The following PPP6R3 variants were observed in gnomAD, a reference collection of about 807,000 sequenced individuals.
PPP6R3 encodes protein phosphatase 6 regulatory subunit 3.
A neutral mutation model predicts 110.7 loss-of-function variants in PPP6R3; 38 were observed. The observed-to-expected ratio is 0.34, with a 90% CI of 0.26 to 0.45. PPP6R3 has a LOEUF of 0.45. Ranked by LOEUF, PPP6R3 falls within the 20% of genes least tolerant of loss-of-function variation. The pLI, the probability that PPP6R3 is intolerant of heterozygous loss-of-function variation, is 1.00. For missense variants in PPP6R3, 870 were observed against 1,062.4 expected (o/e 0.82, Z 2.52); for synonymous variants, 369 against 373.5 (o/e 0.99, Z 0.14).
chr11:68,587,841 AT>A (rs1172705284), intron 15 of PPP6R3, 85 bp from the exon 16 acceptor site: 2 of 1,126,644 alleles, frequency 1.8e-6, no homozygotes, highest in Non-Finnish European at 2.7e-6. Flanking sequence ...TGTAAATAAG[AT>A]GATTTCTGGA....
intron 1 of PPP6R3, among the ~76,000 whole-genome samples, chr11:68,461,494 T>C (rs1233727444): frequency 1.2e-5 from 1 of 83,292 alleles, no homozygotes; most frequent in Non-Finnish European, 2.4e-5. Context: ...GAGCCGGGGG[T>C]GGGGGGGGTG....
chr11:68,562,250 A>C (rs988427635), intron 8 of PPP6R3, among the ~76,000 whole-genome samples: 12 of 152,232 alleles, frequency 7.9e-5, no homozygotes, highest in Non-Finnish European at 1.8e-4. Context: ...AATGTGTGCA[A>C]GGCTTAATGC....
At position 68,614,692 on chromosome 11, in the gene PPP6R3, G is replaced by T; in HGVS notation, c.*1575G>T. On this transcript the variant is annotated 3_prime_UTR_variant, in exon 24 of 24. Coordinates refer to ENST00000393800, the MANE Select transcript of PPP6R3 (RefSeq NM_001164161.2). ...GTCAGCAGTAAGCCCTGGGACAGGT[G>T]GCAAGGGTGGGTCCCTTGACCTTTG... is the stretch of plus-strand genomic sequence containing the variant. 6.6e-7 allele frequency: 1 copy of T among 1,525,574 alleles called. No homozygotes were observed. Among genetic ancestry groups the T allele is most frequent in the South Asian group, 1.3e-5 (1 of 79,656 alleles). 94.5% of individuals were successfully genotyped at this position (1,525,574 alleles called of 1,614,324 possible).
intron 6 of PPP6R3, among the ~76,000 whole-genome samples, chr11:68,552,796 T>G (rs1327003045): frequency 6.6e-6 from 1 of 152,186 alleles, no homozygotes; most frequent in Non-Finnish European, 1.5e-5. Context: ...CTCAATGGGC[T>G]AGGAAGAGGA....
intron 3 of PPP6R3, among the ~76,000 whole-genome samples, chr11:68,543,871 A>ACCTG (rs2099332133): frequency 6.6e-6 from 1 of 152,156 alleles, no homozygotes; most frequent in Admixed American, 6.5e-5. Flanking sequence ...GAGGAAATGG[A>ACCTG]CCTGCTGCCT....
Position 68,564,370 on chromosome 11 carries a change from G to A in PPP6R3, c.913G>A (p.Val305Ile), listed in dbSNP as rs1394349354. 8 of 1,613,330 alleles carry A rather than the reference G, an allele frequency of 5.0e-6. No individual in the cohort carries two copies. Among genetic ancestry groups the A allele is most frequent in the African/African-American group, 1.3e-5 (1 of 74,928 alleles). The change falls in exon 9 of 24, where the codon GTT becomes ATT. Residue 305 changes from valine to isoleucine, a missense_variant. Transcript: ENST00000393800. ...TTCAGCTTGTTCAGTAAACAAGAGTGTTCTAGAAGCCATCAGAGGAAGACT... is the reference window on the plus strand; with the variant it reads ...TTCAGCTTGTTCAGTAAACAAGAGTATTCTAGAAGCCATCAGAGGAAGACT... ...SHSACSVNKS[V>I]LEAIRGRLGS...
rs143528368 is a variant in PPP6R3, at chr11:68,513,415, C to T, written c.-157-6086C>T. ...AGGCTGTGATAAGTGTATGAGGCTA[C>T]GTAATGGTGAAAGATAAAAATGTTA... On this transcript the variant is annotated intron_variant, in intron 1 of 23. Transcript: ENST00000393800. 5.9e-5 allele frequency among the ~76,000 whole-genome samples: 9 copies of T among 152,122 alleles called. No individual in the cohort carries two copies. The East Asian group carries it at 1.4e-3, about 23-fold the overall frequency.
chr11:68,475,643 ACCTC>A (rs1272075626), intron 1 of PPP6R3, among the ~76,000 whole-genome samples: 1 of 143,812 alleles, frequency 7.0e-6, no homozygotes, highest in Non-Finnish European at 1.5e-5. Flanking sequence ...GCTGCCCCCC[ACCTC>A]CCTCCCGGAC....
At chr11:68,547,737 A>G (rs1049331704) in intron 4 of PPP6R3, among the ~76,000 whole-genome samples, 7 of 152,228 alleles carry the variant, frequency 4.6e-5, no homozygotes, top group African/African-American at 1.4e-4. Flanking sequence ...GTAAAATGGT[A>G]TATTCTCTTG....
At chr11:68,462,339 C>G (rs2098713784) in intron 1 of PPP6R3, among the ~76,000 whole-genome samples, 1 of 152,088 alleles carries the variant, frequency 6.6e-6, no homozygotes, top group Non-Finnish European at 1.5e-5. Context: ...TTAATTTTTT[C>G]AGGACAGGGT....
At position 68,599,530 on chromosome 11, in the gene PPP6R3, C is replaced by T. The variant is rs200164404; in HGVS notation, c.2039-811C>T. The stretch of plus-strand genomic sequence containing the variant: ...ACTGCAGTGCACTGCAGGGAGCCCG[C>T]AGAATGGGCGAAGTGCAGTCAGACC... On this transcript the variant is annotated intron_variant, in intron 19 of 23. Coordinates refer to ENST00000393800, the MANE Select transcript of PPP6R3 (RefSeq NM_001164161.2). Among the ~76,000 whole-genome samples the T allele has an allele frequency of 3.3e-5, 5 of 152,256 alleles. No individual in the cohort carries two copies. The East Asian group carries it at 9.6e-4, about 29-fold the overall frequency.
rs562036698 is a variant in PPP6R3 at position 68,540,291 on chromosome 11, A to G, written c.227+2400A>G. On this transcript the variant is annotated intron_variant, in intron 3 of 23. Transcript: ENST00000393800. ...GACAGAGTTCAGAAGAGAGATTTTA[A>G]AAGCTGGGCGTCCGGGGGAGACATC... 8.7e-4 allele frequency among the ~76,000 whole-genome samples: 132 copies of G among 152,284 alleles called. 1 individual carries two copies. Among genetic ancestry groups the G allele is most frequent in the African/African-American group, 3.1e-3 (127 of 41,542 alleles).
At chr11:68,542,793 G>T (rs1435140607) in intron 3 of PPP6R3, among the ~76,000 whole-genome samples, 1 of 152,170 alleles carries the variant, frequency 6.6e-6, no homozygotes, top group Admixed American at 6.5e-5. Context: ...CTAACATTAT[G>T]CATGCTTCTT....
At chr11:68,603,240 C>G (rs2099637272) in intron 21 of PPP6R3, 102 bp from the exon 22 acceptor site, 1 of 1,430,786 alleles carries the variant, frequency 7.0e-7, no homozygotes, top group African/African-American at 1.4e-5. Context: ...TTTTTTTCTT[C>G]AAGCAGTAGA....
chr11:68,542,389 G>GTTTTT lies in PPP6R3; in HGVS notation c.228-2431_228-2427dup, dbSNP rs34666175. On this transcript the variant is annotated intron_variant, in intron 3 of 23. Transcript: ENST00000393800. ...ATCTTTGGGTGCTTGAGAAGCTGCTGTTTTTTTTTTTTTTTTTTTTTTAAG... is the reference window on the plus strand; with the variant it reads ...ATCTTTGGGTGCTTGAGAAGCTGCTGTTTTTTTTTTTTTTTTTTTTTTTTTTTAAG... Among the ~76,000 whole-genome samples, 123 of 40,190 alleles carry GTTTTT rather than the reference G, an allele frequency of 3.1e-3. 21 individuals are homozygous for GTTTTT. The highest frequency in any genetic ancestry group is 0.012 in the African/African-American group (117 of 9,634). 26.4% of individuals were successfully genotyped at this position (40,190 alleles called of 152,430 possible).
At chr11:68,538,285 T>C (rs953036515) in intron 3 of PPP6R3, among the ~76,000 whole-genome samples, 1 of 152,200 alleles carries the variant, frequency 6.6e-6, no homozygotes, top group Non-Finnish European at 1.5e-5. Context: ...ATACAATACA[T>C]TCTGACCTTT....
chr11:68,504,403 T>A (rs2099064417), intron 1 of PPP6R3, among the ~76,000 whole-genome samples: 1 of 152,172 alleles, frequency 6.6e-6, no homozygotes, highest in Non-Finnish European at 1.5e-5. Context: ...CTTTTTCACG[T>A]TTCACTTAAG....
At chr11:68,467,494 C>T (rs2098756777) in intron 1 of PPP6R3, among the ~76,000 whole-genome samples, 1 of 152,208 alleles carries the variant, frequency 6.6e-6, no homozygotes, top group Non-Finnish European at 1.5e-5. Flanking sequence ...TAGTTGGAGC[C>T]TTGGGTTTCC....
rs67739319 is a variant in PPP6R3, at chr11:68,506,414, CAAAAAAAAAAAAA to C, written c.-157-13065_-157-13053del. ...ACTGCTGCACCCAGCCCTTTATACT[CAAAAAAAAAAAAA>C]AAAAAAAAAAAAAAAAAAAAATTCC... On this transcript the variant is annotated intron_variant, in intron 1 of 23. Coordinates refer to ENST00000393800, the MANE Select transcript of PPP6R3 (RefSeq NM_001164161.2). Among the ~76,000 whole-genome samples, 225 of 46,096 alleles carry C rather than the reference CAAAAAAAAAAAAA, an allele frequency of 4.9e-3. 3 individuals carry two copies. The highest frequency in any genetic ancestry group is 8.2e-3 in the South Asian group (4 of 490). The allele number at this position is 46,096 out of a possible 152,430, so 30.2% of individuals were successfully genotyped here.
Sources: allele counts gnomAD v4.1 joint callset (sites outside exome capture counted in the v4.1 genomes callset), GRCh38; gene constraint gnomAD v4.1.1; transcripts MANE v1.5; gene names NCBI Gene and HGNC (gene_info 2026-07-23, HGNC 2026-07-21).